The following NGEF variants were observed in gnomAD, a reference collection of about 807,000 sequenced individuals.
NGEF encodes neuronal guanine nucleotide exchange factor, also known as ephexin-1.
Under a neutral mutation model 80.9 loss-of-function variants are expected in NGEF, and 31 were observed. The ratio of observed to expected loss-of-function variants is 0.38; its 90% CI spans 0.29 to 0.52. The LOEUF (loss-of-function observed/expected upper bound fraction) is 0.52. Ranked by LOEUF, NGEF falls within the 20% of genes least tolerant of loss-of-function variation. NGEF has a pLI of 0.84. For synonymous variants in NGEF, 371 were observed against 370.2 expected, an observed-to-expected ratio of 1.00 and a Z score of -0.03; for missense variants, 709 against 926.2, an observed-to-expected ratio of 0.77 and a Z score of 3.04.
intron 3 of NGEF, among the ~76,000 whole-genome samples, chr2:232,930,385 T>C (rs527458739): frequency 6.6e-6 from 1 of 151,888 alleles, no homozygotes; most frequent in East Asian, 1.9e-4. Flanking sequence ...AATGGCGCGA[T>C]CTCGGCTTAC....
intron 1 of NGEF, among the ~76,000 whole-genome samples, chr2:232,989,434 G>A (rs560796560): frequency 3.3e-5 from 5 of 152,302 alleles, no homozygotes; most frequent in Admixed American, 3.3e-4. Flanking sequence ...GCAACAGAGT[G>A]AGACTCTGCC....
At chr2:232,965,329 A>T (rs1489030284) in intron 3 of NGEF, among the ~76,000 whole-genome samples, 1 of 152,218 alleles carries the variant, frequency 6.6e-6, no homozygotes, top group Admixed American at 6.5e-5. Context: ...TTCAATAGGA[A>T]TGGATAAAGA....
intron 5 of NGEF, among the ~76,000 whole-genome samples, chr2:232,899,969 TATAC>T (rs1355323272): frequency 8.0e-5 from 9 of 112,564 alleles, no homozygotes; most frequent in African/African-American, 1.9e-4. Flanking sequence ...CAGTCACTCA[TATAC>T]ACATTCACTC....
chr2:232,901,055 C>T lies in NGEF; in HGVS notation c.829-6139G>A, dbSNP rs144845535. ...CAGCAAGAGGTCACAAAAGAGGAAC[C>T]AGGACACCAAGAAAAGTCTGCAGGA... On this transcript the variant is annotated intron_variant, in intron 5 of 14. Coordinates refer to ENST00000264051, the MANE Select transcript of NGEF (RefSeq NM_019850.3). Among the ~76,000 whole-genome samples, 1,355 of 152,330 alleles carry T rather than the reference C, an allele frequency of 8.9e-3. 32 individuals carry two copies. The highest frequency in any genetic ancestry group is 0.051 in the Admixed American group (784 of 15,308).
Position 232,879,439 on chromosome 2 carries a change from C to CGTG in NGEF, c.*49_*50insCAC. ...CCCAGAGCCCCCCCCCCCCCACCTT[C>CGTG]TGTCGGGGTCTCATGCAGGCCCTGC... On this transcript the variant is annotated 3_prime_UTR_variant, in exon 15 of 15. Transcript: ENST00000264051. 8.3e-7 allele frequency: 1 copy of CGTG among 1,207,782 alleles called. No individual in the cohort carries two copies. Among genetic ancestry groups the CGTG allele is most frequent in the Non-Finnish European group, 1.2e-6 (1 of 847,434 alleles). The allele number at this position is 1,207,782 out of a possible 1,614,324, so 74.8% of individuals were successfully genotyped here. A position where few individuals can be genotyped will look rare whatever the true frequency, so the allele number is the denominator to read the frequency against.
intron 1 of NGEF, among the ~76,000 whole-genome samples, chr2:233,009,851 C>T (rs1013945968): frequency 6.6e-6 from 1 of 152,112 alleles, no homozygotes; most frequent in Non-Finnish European, 1.5e-5. Context: ...GGGGTCCTGG[C>T]ATCTTGGGTT....
chr2:232,980,048 T>A (rs1021880363), intron 1 of NGEF, among the ~76,000 whole-genome samples: 2 of 152,134 alleles, frequency 1.3e-5, no homozygotes, highest in Non-Finnish European at 2.9e-5. Flanking sequence ...GCTATCTGAC[T>A]CATTTGTTGG....
At chr2:232,881,295 C>T in intron 13 of NGEF, 45 bp from the exon 14 acceptor site, 1 of 1,463,870 alleles carries the variant, frequency 6.8e-7, no homozygotes, top group East Asian at 2.3e-5. Flanking sequence ...CCGCACTACC[C>T]ACCTGCACAC....
At chr2:232,887,095 A>G (rs1691716692) in intron 9 of NGEF, among the ~76,000 whole-genome samples, 3 of 152,228 alleles carry the variant, frequency 2.0e-5, no homozygotes, top group Admixed American at 2.0e-4. Context: ...TCAGATGCCC[A>G]CTGAGAGTGA....
intron 3 of NGEF, among the ~76,000 whole-genome samples, chr2:232,940,413 A>T (rs1037220392): frequency 1.3e-5 from 2 of 152,208 alleles, no homozygotes; most frequent in African/African-American, 4.8e-5. Context: ...AATGGATACA[A>T]CCTTTCAGAG....
chr2:232,893,667 C>T (rs1037481236), intron 6 of NGEF, among the ~76,000 whole-genome samples: 2 of 152,102 alleles, frequency 1.3e-5, no homozygotes, highest in Non-Finnish European at 2.9e-5. Context: ...CCCAGCTACT[C>T]GGGAGGTTGA....
intron 1 of NGEF, 54 bp from the exon 2 acceptor site, chr2:232,975,018 T>C: frequency 1.1e-6 from 1 of 905,744 alleles, no homozygotes; most frequent in East Asian, 2.6e-5. Flanking sequence ...AAGTATTCTA[T>C]TCAGACTGTG....
intron 9 of NGEF, 21 bp from the exon 10 acceptor site, chr2:232,885,390 C>T: frequency 6.2e-7 from 1 of 1,608,034 alleles, no homozygotes; most frequent in Non-Finnish European, 8.5e-7. Context: ...AAGGAGGGCA[C>T]ATCAGGCCAC....
At chr2:232,960,265 C>T (rs1227069818) in intron 3 of NGEF, among the ~76,000 whole-genome samples, 3 of 152,170 alleles carry the variant, frequency 2.0e-5, no homozygotes, top group African/African-American at 7.2e-5. Flanking sequence ...AGCAATGTGG[C>T]ACTTTTGTGA....
chr2:233,005,998 G>A (rs1559245814), intron 1 of NGEF, among the ~76,000 whole-genome samples: 1 of 152,120 alleles, frequency 6.6e-6, no homozygotes, highest in Non-Finnish European at 1.5e-5. Flanking sequence ...TGTATTTTTT[G>A]TAGAGACGGG....
At chr2:232,926,338 ATTT>A (rs3038717) in intron 4 of NGEF, among the ~76,000 whole-genome samples, 23,222 of 148,886 alleles carry the variant, frequency 0.16, 1,893 homozygotes, top group East Asian at 0.29. Flanking sequence ...GTCACTAGCG[ATTT>A]TTTTTTTTTT....
intron 3 of NGEF, among the ~76,000 whole-genome samples, chr2:232,943,899 C>T (rs1052163898): frequency 6.6e-6 from 1 of 152,032 alleles, no homozygotes. Context: ...ACAAAACTAT[C>T]CAACCTCATA....
intron 1 of NGEF, among the ~76,000 whole-genome samples, chr2:232,990,498 C>A (rs964265206): frequency 3.3e-5 from 5 of 152,018 alleles, no homozygotes; most frequent in African/African-American, 1.2e-4. Context: ...ACTGATCAGA[C>A]TGTTTTGACA....
chr2:232,917,367 G>T (rs1417429413), intron 5 of NGEF, among the ~76,000 whole-genome samples: 1 of 152,134 alleles, frequency 6.6e-6, no homozygotes, highest in African/African-American at 2.4e-5. Flanking sequence ...GTCCTCCAGT[G>T]AAAACCTATG....
Sources: gnomAD v4.1 joint callset for allele counts (sites outside exome capture counted in the v4.1 genomes callset) on GRCh38, gnomAD v4.1.1 for gene constraint, MANE v1.5 for transcripts, NCBI Gene and HGNC (gene_info 2026-07-23, HGNC 2026-07-21) for gene names.